The following THOC2 variants were observed in gnomAD, a reference collection of about 807,000 sequenced individuals.
THOC2 encodes THO complex 2.
THOC2 carries 10 observed loss-of-function variants against 128.4 expected under a neutral mutation model. That is an observed-to-expected ratio of 0.08 (90% CI 0.05 to 0.13). The LOEUF (loss-of-function observed/expected upper bound fraction) is 0.13, where lower values mean the gene tolerates loss of function less well. Ranked by LOEUF, THOC2 falls within the 10% of genes least tolerant of loss-of-function variation. The probability of loss-of-function intolerance (pLI) is 1.00; values close to 1 mark genes in which losing one functional copy is unlikely to be tolerated. For synonymous variants in THOC2, 393 were observed against 396.9 expected, an observed-to-expected ratio of 0.99 and a Z score of 0.12; for missense variants, 535 against 1,155.7, an observed-to-expected ratio of 0.46 and a Z score of 7.79.
At chrX:123,721,189 T>C (rs2051679394) in intron 1 of THOC2, among the ~76,000 whole-genome samples, 1 of 110,020 alleles carries the variant, frequency 9.1e-6, no homozygotes, top group African/African-American at 3.3e-5. Context: ...TTTGTTTGTT[T>C]TGAGACAGAG....
chrX:123,667,576 A>G (rs768560763), intron 10 of THOC2, among the ~76,000 whole-genome samples: 4 of 110,373 alleles, frequency 3.6e-5, no homozygotes, highest in Non-Finnish European at 7.6e-5. Context: ...CATCTCTACA[A>G]AAAATACAAA....
At chrX:123,701,777 A>G (rs2050717155) in intron 4 of THOC2, among the ~76,000 whole-genome samples, 1 of 111,568 alleles carries the variant, frequency 9.0e-6, no homozygotes, top group Admixed American at 9.6e-5. Flanking sequence ...TCAATCCAAC[A>G]GATACCATGA....
At chrX:123,603,830 T>C (rs751876332) in intron 38 of THOC2, 4 of 200,683 alleles carry the variant, frequency 2.0e-5, no homozygotes, top group Non-Finnish European at 3.6e-5. Flanking sequence ...CCACAGAGTA[T>C]TTTAATAAAA....
chrX:123,677,420 G>A (rs1212554332), intron 8 of THOC2, among the ~76,000 whole-genome samples: 1 of 111,497 alleles, frequency 9.0e-6, no homozygotes, highest in Non-Finnish European at 1.9e-5. Context: ...AATAAATTAA[G>A]CTTAGTTACT....
intron 8 of THOC2, among the ~76,000 whole-genome samples, chrX:123,678,949 C>G (rs1478855382): frequency 9.0e-6 from 1 of 111,055 alleles, no homozygotes; most frequent in Admixed American, 9.6e-5. Flanking sequence ...GATAAACTCT[C>G]TATCCTCCTA....
At chrX:123,693,444 C>T (rs2050313162) in intron 7 of THOC2, among the ~76,000 whole-genome samples, 1 of 111,717 alleles carries the variant, frequency 9.0e-6, no homozygotes, top group African/African-American at 3.3e-5. Context: ...CTAGCCTGGG[C>T]AACAAAGCAA....
At position 123,728,053 on chromosome X, in the gene THOC2, G is replaced by A. The variant is rs181281293; in HGVS notation, c.71+4899C>T. ...CAAATGTGGCTTTCATATATAGAAG[G>A]CTGATGTTCATTTACGCTTCACTTA... On this transcript the variant is annotated intron_variant, in intron 1 of 38. Coordinates refer to ENST00000245838, the MANE Select transcript of THOC2 (RefSeq NM_001081550.2). 5.9e-4 allele frequency among the ~76,000 whole-genome samples: 66 copies of A among 111,857 alleles called. 1 individual carries two copies. Among genetic ancestry groups the A allele is most frequent in the Admixed American group, 5.8e-3 (61 of 10,433 alleles).
chrX:123,687,271 T>C (rs1017557949), intron 7 of THOC2, among the ~76,000 whole-genome samples: 3 of 111,804 alleles, frequency 2.7e-5, no homozygotes, highest in African/African-American at 9.7e-5. Flanking sequence ...CCATGGCTTT[T>C]AGTAGCATTC....
At chrX:123,668,087 C>T (rs1039346392) in intron 10 of THOC2, 72 bp downstream of exon 10, 2 of 785,079 alleles carry the variant, frequency 2.5e-6, no homozygotes, top group Non-Finnish European at 3.5e-6. Flanking sequence ...CCATAAATGA[C>T]TATTTAGAAG....
At chrX:123,652,784 C>T (rs2048413578) in intron 12 of THOC2, among the ~76,000 whole-genome samples, 1 of 111,716 alleles carries the variant, frequency 9.0e-6, no homozygotes, top group Admixed American at 9.5e-5. Flanking sequence ...AGGACACAAA[C>T]AAATGGAAAA....
intron 15 of THOC2, among the ~76,000 whole-genome samples, chrX:123,643,339 G>A (rs958357318): frequency 9.0e-6 from 1 of 111,576 alleles, no homozygotes. Flanking sequence ...TTCAGGTAAA[G>A]TCAGTCACCA....
intron 8 of THOC2, among the ~76,000 whole-genome samples, chrX:123,678,252 G>A (rs1245601794): frequency 9.2e-6 from 1 of 108,337 alleles, no homozygotes; most frequent in African/African-American, 3.4e-5. Context: ...CAGCATTGGG[G>A]TCCATGTTTT....
intron 8 of THOC2, among the ~76,000 whole-genome samples, chrX:123,673,428 G>T (rs1292657293): frequency 8.1e-5 from 9 of 111,753 alleles, no homozygotes; most frequent in African/African-American, 2.9e-4. Flanking sequence ...TTGTGGCCAG[G>T]GTTTCAAAAC....
At chrX:123,715,983 C>A (rs775163038) in intron 1 of THOC2, among the ~76,000 whole-genome samples, 49 of 111,082 alleles carry the variant, frequency 4.4e-4, no homozygotes, top group Admixed American at 2.3e-3. Flanking sequence ...GAGGCTACTA[C>A]ACCATGATAC....
chrX:123,700,273 G>A (rs999766861), intron 4 of THOC2, among the ~76,000 whole-genome samples: 15 of 109,075 alleles, frequency 1.4e-4, no homozygotes, highest in Admixed American at 2.0e-4. Context: ...GGCCAAGGCA[G>A]GCGGATCACC....
intron 33 of THOC2, among the ~76,000 whole-genome samples, chrX:123,616,237 C>T (rs1001031243): frequency 9.0e-5 from 10 of 111,039 alleles, no homozygotes; most frequent in African/African-American, 2.6e-4. Flanking sequence ...TCATGTCATA[C>T]ATTTTTGTCC....
intron 9 of THOC2, among the ~76,000 whole-genome samples, chrX:123,669,124 T>A (rs2049159124): frequency 9.6e-6 from 1 of 104,624 alleles, no homozygotes. Flanking sequence ...AAAATAATAA[T>A]GAACTATTAA....
chrX:123,659,018 T>C (rs2048719819), intron 12 of THOC2, among the ~76,000 whole-genome samples: 1 of 112,189 alleles, frequency 8.9e-6, no homozygotes, highest in Admixed American at 9.5e-5. Context: ...TCAAAAACAT[T>C]TGAGTATGTC....
At chrX:123,717,149 T>C (rs983174767) in intron 1 of THOC2, among the ~76,000 whole-genome samples, 3 of 111,795 alleles carry the variant, frequency 2.7e-5, no homozygotes, top group Admixed American at 1.9e-4. Flanking sequence ...AGTGAAATTG[T>C]CTCTGCTGAC....
Sources: gnomAD v4.1 joint callset for allele counts (sites outside exome capture counted in the v4.1 genomes callset) on GRCh38, gnomAD v4.1.1 for gene constraint, MANE v1.5 for transcripts, NCBI Gene and HGNC (gene_info 2026-07-23, HGNC 2026-07-21) for gene names.